SSH2: variants seen among roughly 807,000 people sequenced by gnomAD.
The protein encoded by SSH2 is slingshot protein phosphatase 2, also known as protein phosphatase Slingshot homolog 2.
A neutral mutation model predicts 135.2 loss-of-function variants in SSH2; 37 were observed. The ratio of observed to expected loss-of-function variants is 0.27; its 90% CI spans 0.21 to 0.36. The LOEUF is 0.36. Among genes scored for constraint, SSH2 ranks in the 10% least tolerant of loss-of-function variants. The pLI, the probability that SSH2 is intolerant of heterozygous loss-of-function variation, is 1.00. For synonymous variants in SSH2, 628 were observed against 646.2 expected, an observed-to-expected ratio of 0.97 and a Z score of 0.43; for missense variants, 1,408 against 1,765.3, an observed-to-expected ratio of 0.80 and a Z score of 3.63.
intron 3 of SSH2, among the ~76,000 whole-genome samples, chr17:29,741,556 T>G (rs1037382324): frequency 1.3e-5 from 2 of 151,674 alleles, no homozygotes; most frequent in Non-Finnish European, 1.5e-5. Context: ...GTTCTCAATA[T>G]GCTGAAATGA....
chr17:29,662,385 ATC>A (rs1211830508), intron 11 of SSH2, among the ~76,000 whole-genome samples: 1 of 152,232 alleles, frequency 6.6e-6, no homozygotes, highest in Non-Finnish European at 1.5e-5. Flanking sequence ...AAGGACTGGT[ATC>A]TCTGTCCATA....
At chr17:29,744,860 A>AGTGTGTGTGTGTGT (rs71689248) in intron 3 of SSH2, among the ~76,000 whole-genome samples, 16 of 140,426 alleles carry the variant, frequency 1.1e-4, no homozygotes, top group South Asian at 2.3e-4. Context: ...GGATTACTTG[A>AGTGTGTGTGTGTGT]GTGTGTGTGT....
At chr17:29,807,891 A>G (rs1043084765) in intron 2 of SSH2, among the ~76,000 whole-genome samples, 7 of 149,310 alleles carry the variant, frequency 4.7e-5, no homozygotes, top group African/African-American at 1.7e-4. Flanking sequence ...AATCGAGAAA[A>G]GTTAGGTAGT....
intron 3 of SSH2, among the ~76,000 whole-genome samples, chr17:29,772,935 C>G (rs528279176): frequency 2.6e-5 from 4 of 152,156 alleles, no homozygotes; most frequent in Non-Finnish European, 4.4e-5. Flanking sequence ...AGAAACCCTA[C>G]CAGTATCCCG....
chr17:29,651,192 T>A (rs901792455), intron 12 of SSH2, among the ~76,000 whole-genome samples: 4 of 152,236 alleles, frequency 2.6e-5, no homozygotes, highest in African/African-American at 9.6e-5. Flanking sequence ...TACAATTTAT[T>A]CTCTGAAAGT....
intron 3 of SSH2, among the ~76,000 whole-genome samples, chr17:29,709,690 A>G (rs138434579): frequency 6.6e-6 from 1 of 152,292 alleles, no homozygotes; most frequent in Non-Finnish European, 1.5e-5. Flanking sequence ...AAAAAAATGT[A>G]GAGTACAGGA....
intron 4 of SSH2, among the ~76,000 whole-genome samples, chr17:29,699,175 A>G (rs1323426938): frequency 2.0e-5 from 3 of 152,204 alleles, no homozygotes; most frequent in South Asian, 4.1e-4. Context: ...CATTTCTAGG[A>G]GCTAAATTTC....
intron 14 of SSH2, among the ~76,000 whole-genome samples, chr17:29,642,476 G>T (rs1567837216): frequency 6.6e-6 from 1 of 151,986 alleles, no homozygotes; most frequent in Non-Finnish European, 1.5e-5. Flanking sequence ...ACATAAATCT[G>T]CCAGATACCT....
At position 29,632,647 on chromosome 17, in the gene SSH2, C is replaced by T. The variant is rs1384469492; in HGVS notation, c.2547G>A (p.Met849Ile). Reference protein sequence around the residue: ...AQPELAKDSGMCNPEGCLTTH... With the variant: ...AQPELAKDSGICNPEGCLTTH... ...TGGTTAGGCAGCCTTCTGGGTTGCA[C>T]ATCCCTGAGTCTTTGGCTAGTTCAG... The change falls in exon 16 of 16, where the codon ATG (methionine) becomes ATA (isoleucine). Residue 849 changes from methionine (M) to isoleucine (I), a missense_variant. Met to Ile is a conservative substitution (Grantham distance 10). This residue lies in a region of SSH2 where 1,080 missense variants were observed against 1,144.5 expected (regional missense o/e 0.94). Transcript: ENST00000540801. 1 of 1,614,082 alleles carries T rather than the reference C, an allele frequency of 6.2e-7. No individual in the cohort carries two copies. The highest frequency in any genetic ancestry group is 2.2e-5 in the East Asian group (1 of 44,888).
chr17:29,770,377 G>C (rs749810888), intron 3 of SSH2, among the ~76,000 whole-genome samples: 18 of 151,940 alleles, frequency 1.2e-4, no homozygotes, highest in Non-Finnish European at 1.8e-4. Context: ...CCCAAGTGCT[G>C]GGATTACAGG....
At chr17:29,911,765 T>C (rs143557545) in intron 1 of SSH2, among the ~76,000 whole-genome samples, 2,037 of 152,276 alleles carry the variant, frequency 0.013, 29 homozygotes, top group Admixed American at 0.024. Context: ...AAATGACTGA[T>C]AGAAGCTAAG....
chr17:29,636,808 G>C lies in SSH2; in HGVS notation c.1428-6C>G, dbSNP rs757034745. 41 of 1,582,322 alleles carry C rather than the reference G, an allele frequency of 2.6e-5. No homozygotes were observed. The highest frequency in any genetic ancestry group is 3.1e-5 in the Non-Finnish European group (36 of 1,156,110). On this transcript the variant is annotated splice_polypyrimidine_tract_variant and splice_region_variant and intron_variant, in intron 14 of 15. Coordinates refer to ENST00000540801, the MANE Select transcript of SSH2 (RefSeq NM_001282129.2). Reference sequence around the variant, plus strand: ...GTTTGTTATGCCGCTGTTTGCTGTGGAGGACATACACAGGAAGTATCTTAA... The same window carrying C: ...GTTTGTTATGCCGCTGTTTGCTGTGCAGGACATACACAGGAAGTATCTTAA...
At chr17:29,746,602 A>G (rs954070394) in intron 3 of SSH2, among the ~76,000 whole-genome samples, 1 of 151,334 alleles carries the variant, frequency 6.6e-6, no homozygotes, top group African/African-American at 2.4e-5. Flanking sequence ...CAATTATGGG[A>G]AATTAAAACT....
chr17:29,760,726 T>TAA (rs1182808624), intron 3 of SSH2, among the ~76,000 whole-genome samples: 1 of 142,684 alleles, frequency 7.0e-6, no homozygotes, highest in African/African-American at 2.6e-5. Context: ...ATAGAAACTT[T>TAA]AAAAAAAAAA....
chr17:29,819,871 GAAC>G (rs2151340513), intron 2 of SSH2, among the ~76,000 whole-genome samples: 1 of 152,236 alleles, frequency 6.6e-6, no homozygotes, highest in Non-Finnish European at 1.5e-5. Context: ...TCAGCCTTTA[GAAC>G]AACTGCAATG....
rs1463500620 is a variant in SSH2 at position 29,913,345 on chromosome 17, A to ATT, written c.63+16592_63+16593insAA. 3.2e-4 allele frequency among the ~76,000 whole-genome samples: 12 copies of ATT among 37,516 alleles called. 1 individual carries two copies. Among genetic ancestry groups the ATT allele is most frequent in the Admixed American group, 1.3e-3 (3 of 2,320 alleles). The allele number at this position is 37,516 out of a possible 152,430, so 24.6% of individuals were successfully genotyped here. ...AAAAAAAAAAAAAAAAAAAAAAAAA[A>ATT]AAATATATATATATATATATATATA... On this transcript the variant is annotated intron_variant, in intron 1 of 15. Transcript: ENST00000540801.
intron 1 of SSH2, among the ~76,000 whole-genome samples, chr17:29,888,213 G>A (rs551984100): frequency 6.6e-6 from 1 of 152,076 alleles, no homozygotes; most frequent in Admixed American, 6.5e-5. Flanking sequence ...ATTCCAGCCT[G>A]ACCGAAAGAG....
In SSH2 at chr17:29,632,858, A is replaced by G. The variant is rs1423204800; in HGVS notation, c.2336T>C (p.Ile779Thr). 1 of 1,614,038 alleles carries G rather than the reference A, an allele frequency of 6.2e-7. No homozygotes were observed. Among genetic ancestry groups the G allele is most frequent in the African/African-American group, 1.3e-5 (1 of 74,900 alleles). ...ACTGATGGACTCAATTTCAGTGACAATTTCTTTGACTGAAATTGCATTTTC... is the reference window on the plus strand; with the variant it reads ...ACTGATGGACTCAATTTCAGTGACAGTTTCTTTGACTGAAATTGCATTTTC... ...HSENAISVKEIVTEIESISQG... is the reference protein window; with the variant it reads ...HSENAISVKETVTEIESISQG... Residue 779 changes from isoleucine to threonine, a missense_variant, in exon 16 of 16, where the codon ATT becomes ACT. Ile to Thr is a moderately conservative substitution (Grantham distance 89). Coordinates refer to ENST00000540801, the MANE Select transcript of SSH2 (RefSeq NM_001282129.2).
At chr17:29,655,390 A>T (rs1029558851) in intron 12 of SSH2, among the ~76,000 whole-genome samples, 171 bp downstream of exon 12, 1 of 152,138 alleles carries the variant, frequency 6.6e-6, no homozygotes, top group African/African-American at 2.4e-5. Flanking sequence ...GGCGTGAGTC[A>T]CCGTGCCCGG....
Sources: gnomAD v4.1 joint callset for allele counts (sites outside exome capture counted in the v4.1 genomes callset) on GRCh38, gnomAD v4.1.1 for gene constraint, gnomAD v4.1.1 regional missense constraint, MANE v1.5 for transcripts, NCBI Gene and HGNC (gene_info 2026-07-23, HGNC 2026-07-21) for gene names.